Variants in PKD1L3 observed in about 807,000 individuals in gnomAD.
The protein encoded by PKD1L3 is polycystin-1-like protein 3.
A neutral mutation model predicts 184.1 loss-of-function variants in PKD1L3; 239 were observed. The ratio of observed to expected loss-of-function variants is 1.30; its 90% CI spans 1.17 to 1.45. PKD1L3 has a LOEUF of 1.45. PKD1L3 is among the 40% of genes most tolerant of loss of function. PKD1L3 has a pLI of 0.00. For synonymous variants in PKD1L3, 996 were observed against 778.8 expected, an observed-to-expected ratio of 1.28 and a Z score of -4.64; for missense variants, 2,660 against 2,067.2, an observed-to-expected ratio of 1.29 and a Z score of -5.56.
intron 22 of PKD1L3, among the ~76,000 whole-genome samples, chr16:71,946,338 G>T (rs775994294): frequency 5.9e-5 from 9 of 152,146 alleles, no homozygotes; most frequent in Non-Finnish European, 8.8e-5. Flanking sequence ...CTCACAGGTA[G>T]TCCTTTCCTG....
chr16:71,933,886 G>A, intron 27 of PKD1L3, 29 bp downstream of exon 27: 2 of 1,545,248 alleles, frequency 1.3e-6, no homozygotes. Flanking sequence ...AGCACACGGA[G>A]AAGGAGAGAC....
rs559476140 is a variant in PKD1L3, at chr16:71,947,172, G to A, written c.3718+320C>T. 2.2e-4 allele frequency among the ~76,000 whole-genome samples: 33 copies of A among 152,160 alleles called. No homozygotes were observed. In the South Asian group the frequency reaches 3.9e-3, roughly 18 times the overall value. ...ACTCGGAGGCTGAGACAGGAGAATC[G>A]CTTGAACCCAGGAGGTGGAGGTTGT... On this transcript the variant is annotated intron_variant, in intron 22 of 29. Coordinates refer to ENST00000620267, the MANE Select transcript of PKD1L3 (RefSeq NM_181536.2).
intron 3 of PKD1L3, among the ~76,000 whole-genome samples, chr16:71,991,542 A>T (rs2040590432): frequency 1.3e-5 from 2 of 152,232 alleles, no homozygotes. Flanking sequence ...GATATGGAAG[A>T]TAAATGTAAG....
Position 71,944,166 on chromosome 16 carries a change from T to C in PKD1L3, c.3723A>G (p.Lys1241=), listed in dbSNP as rs111535556. The change falls in exon 23 of 30, where the codon AAA becomes AAG. Residue 1241 remains lysine (K), a synonymous_variant. Transcript: ENST00000620267. ...TTGAACCTGGTACTGACGAAGAACA[T>C]TTTGCTGTCAAAAATTCAAATATAG... The part of the protein sequence containing the change: ...QTKRILALLA[K]CSSSVPGSRD... 1.5e-3 allele frequency: 2,298 copies of C among 1,548,590 alleles called. 38 individuals carry two copies. In the African/African-American group the frequency reaches 0.023, roughly 16 times the overall value.
At chr16:71,989,515 A>T (rs367680399) in intron 4 of PKD1L3, among the ~76,000 whole-genome samples, 2 of 152,254 alleles carry the variant, frequency 1.3e-5, no homozygotes, top group African/African-American at 2.4e-5. Flanking sequence ...AAACAAATGC[A>T]TATCTGTGTT....
Position 71,930,058 on chromosome 16 carries a change from C to G in PKD1L3, c.5052G>C (p.Ser1684=). ...ILMAFGKERK[S]LKKEAALIDT... Reference sequence around the variant, plus strand: ...TTATCTTTTAGTTACCTACCTTAAGCGACTTTCTTTCTTTTCCAAAGGCCA... The same window carrying G: ...TTATCTTTTAGTTACCTACCTTAAGGGACTTTCTTTCTTTTCCAAAGGCCA... The change falls in exon 29 of 30, where the codon TCG becomes TCC. Residue 1684 remains serine, a synonymous_variant. Transcript: ENST00000620267. The G allele has an allele frequency of 1.9e-6, 3 of 1,548,428 alleles. No homozygotes were observed. Among genetic ancestry groups the G allele is most frequent in the Non-Finnish European group, 2.6e-6 (3 of 1,145,874 alleles).
chr16:71,985,393 T>C (rs1416816494), intron 5 of PKD1L3, among the ~76,000 whole-genome samples: 2 of 152,270 alleles, frequency 1.3e-5, no homozygotes, highest in East Asian at 3.9e-4. Context: ...AGCAGGATTA[T>C]TTTCTTCAGT....
rs1200033679 is a variant in PKD1L3 at position 71,944,021 on chromosome 16, T to A, written c.3859+9A>T. 2.6e-6 allele frequency: 4 copies of A among 1,549,700 alleles called. No individual in the cohort carries two copies. The highest frequency in any genetic ancestry group is 3.5e-6 in the Non-Finnish European group (4 of 1,146,394). ...GTGTTATCAGTATGTTGCCATTTCC[T>A]CTCCATACCCAAAATATCTCCAGTC... On this transcript the variant is annotated intron_variant, in intron 23 of 29. Coordinates refer to ENST00000620267, the MANE Select transcript of PKD1L3 (RefSeq NM_181536.2).
At chr16:71,964,009 T>C (rs1324178142) in intron 15 of PKD1L3, among the ~76,000 whole-genome samples, 1 of 152,174 alleles carries the variant, frequency 6.6e-6, no homozygotes, top group South Asian at 2.1e-4. Flanking sequence ...TTGTAGTCTT[T>C]ATCATTTACA....
At chr16:71,938,755 G>T (rs988384435) in intron 24 of PKD1L3, among the ~76,000 whole-genome samples, 6 of 152,208 alleles carry the variant, frequency 3.9e-5, no homozygotes, top group African/African-American at 1.4e-4. Context: ...ACAATGGGAC[G>T]ACCTGCCTGT....
intron 16 of PKD1L3, among the ~76,000 whole-genome samples, chr16:71,956,343 A>G (rs975075824): frequency 5.9e-5 from 9 of 151,934 alleles, no homozygotes; most frequent in African/African-American, 1.9e-4. Context: ...ACAGGCAACC[A>G]CAGCCATGCC....
chr16:71,993,363 A>T lies in PKD1L3; in HGVS notation c.419-31T>A, dbSNP rs777066591. On this transcript the variant is annotated intron_variant, in intron 2 of 29. Transcript: ENST00000620267. ...TGAAAGCCAACACACAAGTTAATTT[A>T]TAGGTTATAGCTATGGCTACAAGTC... 22 of 1,372,970 alleles carry T rather than the reference A, an allele frequency of 1.6e-5. No individual in the cohort carries two copies. In the South Asian group the frequency reaches 1.9e-4, roughly 12 times the overall value. The allele number at this position is 1,372,970 out of a possible 1,614,324, so 85.0% of individuals were successfully genotyped here.
chr16:71,977,560 C>CTTTTTTTTTTTTTTTT lies in PKD1L3; in HGVS notation c.1528-109_1528-94dup. ...GATAAGGTAAGGAAACGTCCTAGCT[C>CTTTTTTTTTTTTTTTT]TTTTTTTTTTTTTTTTTTTTGAGAT... On this transcript the variant is annotated intron_variant, in intron 10 of 29. Coordinates refer to ENST00000620267, the MANE Select transcript of PKD1L3 (RefSeq NM_181536.2). The CTTTTTTTTTTTTTTTT allele has an allele frequency of 4.0e-6, 2 of 500,298 alleles. 1 individual carries two copies. Among genetic ancestry groups the CTTTTTTTTTTTTTTTT allele is most frequent in the Non-Finnish European group, 6.1e-6 (2 of 326,592 alleles). The allele number at this position is 500,298 out of a possible 1,614,324, so 31.0% of individuals were successfully genotyped here.
At chr16:71,987,049 T>C (rs1244438054) in intron 4 of PKD1L3, among the ~76,000 whole-genome samples, 1 of 141,300 alleles carries the variant, frequency 7.1e-6, no homozygotes, top group African/African-American at 2.7e-5. Context: ...CTCAGCCTCC[T>C]CAGTAGCTGG....
At chr16:71,952,195 ATTTTTTTTTTTTTTTTTT>A (rs34849069) in intron 18 of PKD1L3, among the ~76,000 whole-genome samples, 1 of 50,790 alleles carries the variant, frequency 2.0e-5, no homozygotes, top group East Asian at 7.4e-4. Context: ...GGAGCATGTC[ATTTTTTTTTTTTTTTTTT>A]TTTTTTTTTT....
At chr16:71,996,815 C>T (rs537109270) in intron 2 of PKD1L3, among the ~76,000 whole-genome samples, 8 of 152,146 alleles carry the variant, frequency 5.3e-5, no homozygotes, top group African/African-American at 1.2e-4. Context: ...ATTCAACAAC[C>T]AGAGGGATTC....
At chr16:71,980,570 A>ACACC (rs2040109527) in intron 7 of PKD1L3, among the ~76,000 whole-genome samples, 1 of 152,164 alleles carries the variant, frequency 6.6e-6, no homozygotes, top group Non-Finnish European at 1.5e-5. Context: ...GTGGTGGCTC[A>ACACC]TACCTGTAAT....
Position 71,986,276 on chromosome 16 carries a change from T to G in PKD1L3, c.779A>C (p.His260Pro), listed in dbSNP as rs1390171055. ...TAGATAAGAGGTGAAGGTATTCGGA[T>G]GACCTTCTTCCTTTGGGCTTGAAGT... ...ETTSSPKEEG[H>P]PNTFTSYLQV... is the part of the protein sequence containing the mutation. Residue 260 changes from histidine (H) to proline (P), a missense_variant, in exon 5 of 30, where the codon CAT becomes CCT. Transcript: ENST00000620267. 1.7e-5 allele frequency: 27 copies of G among 1,552,168 alleles called. No homozygotes were observed. Among genetic ancestry groups the G allele is most frequent in the Non-Finnish European group, 2.4e-5 (27 of 1,147,104 alleles).
Position 71,999,991 on chromosome 16 carries a change from G to C in PKD1L3, c.-13C>G. On this transcript the variant is annotated 5_prime_UTR_variant, in exon 1 of 30. Transcript: ENST00000620267. Reference sequence around the variant, plus strand: ...CTTTGAAGAACATTTTCTCTGAATTGTAGCAAGAAAAAGTGTGGGGGTTTA... The same window carrying C: ...CTTTGAAGAACATTTTCTCTGAATTCTAGCAAGAAAAAGTGTGGGGGTTTA... 1 of 1,497,624 alleles carries C rather than the reference G, an allele frequency of 6.7e-7. No individual in the cohort carries two copies. The highest frequency in any genetic ancestry group is 9.0e-7 in the Non-Finnish European group (1 of 1,116,376). 92.8% of individuals were successfully genotyped at this position (1,497,624 alleles called of 1,614,324 possible).
Sources: gnomAD v4.1 joint callset for allele counts (sites outside exome capture counted in the v4.1 genomes callset) on GRCh38, gnomAD v4.1.1 for gene constraint, MANE v1.5 for transcripts, NCBI Gene and HGNC (gene_info 2026-07-23, HGNC 2026-07-21) for gene names.